The following DOCK3 variants were observed in gnomAD, a reference collection of about 807,000 sequenced individuals.
DOCK3 encodes the protein dedicator of cytokinesis 3.
Under a neutral mutation model 265.6 loss-of-function variants are expected in DOCK3, and 60 were observed. The observed-to-expected ratio is 0.23, with a 90% CI of 0.18 to 0.28. The LOEUF is 0.28. Ranked by LOEUF, DOCK3 falls within the 10% of genes least tolerant of loss-of-function variation. The pLI, the probability that DOCK3 is intolerant of heterozygous loss-of-function variation, is 1.00. For missense variants in DOCK3, 1,981 were observed against 2,594.3 expected, an observed-to-expected ratio of 0.76 and a Z score of 5.14; for synonymous variants, 881 against 938.0, an observed-to-expected ratio of 0.94 and a Z score of 1.11.
intron 21 of DOCK3, among the ~76,000 whole-genome samples, chr3:51,245,585 G>T (rs2078801204): frequency 6.6e-6 from 1 of 151,604 alleles, no homozygotes; most frequent in Admixed American, 6.6e-5. Context: ...TAGAGATGGG[G>T]TTTCACTATG....
intron 32 of DOCK3, among the ~76,000 whole-genome samples, chr3:51,328,835 A>G (rs2084326661): frequency 6.6e-6 from 1 of 152,150 alleles, no homozygotes; most frequent in South Asian, 2.1e-4. Context: ...AATAATAAAT[A>G]ATATCACAGT....
Position 50,846,939 on chromosome 3 carries a change from A to G in DOCK3, c.162+5224A>G, listed in dbSNP as rs932228612. 3.9e-5 allele frequency among the ~76,000 whole-genome samples: 6 copies of G among 151,980 alleles called. No homozygotes were observed. The East Asian group carries it at 1.2e-3, about 29-fold the overall frequency. ...TTCTTAATCTACCTAGCAGTCCATC[A>G]ATCTTGTTGATTCTTTGTGTGGATT... is the stretch of plus-strand genomic sequence containing the variant. On this transcript the variant is annotated intron_variant, in intron 3 of 52. Transcript: ENST00000266037.
At chr3:50,861,442 G>A (rs1409804278) in intron 3 of DOCK3, among the ~76,000 whole-genome samples, 1 of 152,100 alleles carries the variant, frequency 6.6e-6, no homozygotes, top group East Asian at 1.9e-4. Context: ...ATGTCTATTA[G>A]GTCATTTGGT....
intron 5 of DOCK3, among the ~76,000 whole-genome samples, chr3:50,979,620 C>G (rs991247444): frequency 6.6e-6 from 1 of 152,158 alleles, no homozygotes; most frequent in Non-Finnish European, 1.5e-5. Flanking sequence ...GATGCTGGTG[C>G]CATGCTTCTT....
intron 41 of DOCK3, 85 bp downstream of exon 41, chr3:51,355,108 G>A (rs532189992): frequency 1.3e-6 from 2 of 1,513,782 alleles, no homozygotes; most frequent in Non-Finnish European, 1.8e-6. Context: ...TTACCACATT[G>A]CCAACCATAC....
rs2086416340 is a variant in DOCK3, at chr3:51,357,102, T to C, written c.4644T>C (p.Ile1548=). ...TAAGCATGTGCCTGAATGGTGTCAT[T>C]GATGCAGCTGTCAATGGAGGCATTG... is the stretch of plus-strand genomic sequence containing the variant. ...NLLSMCLNGV[I]DAAVNGGIAR... is the part of the protein sequence containing the mutation. The change falls in exon 44 of 53, where the codon ATT becomes ATC. Residue 1548 remains isoleucine, a synonymous_variant. Transcript: ENST00000266037. The C allele has an allele frequency of 6.2e-7, 1 of 1,612,722 alleles. No homozygotes were observed. Among genetic ancestry groups the C allele is most frequent in the South Asian group, 1.1e-5 (1 of 91,000 alleles).
chr3:51,255,572 A>G (rs1355652362), intron 22 of DOCK3, among the ~76,000 whole-genome samples: 1 of 151,456 alleles, frequency 6.6e-6, no homozygotes, highest in African/African-American at 2.4e-5. Context: ...ATTTCTTTTT[A>G]CTCTTTTTTC....
rs1032787576 is a variant in DOCK3 at position 50,708,047 on chromosome 3, G to C, written c.37+32747G>C. ...GTTGCTAGTGGTGGGCAGAGTGGCC[G>C]ATCCACACACACTTGGATAGCATGT... On this transcript the variant is annotated intron_variant, in intron 1 of 52. Transcript: ENST00000266037. Among the ~76,000 whole-genome samples the C allele has an allele frequency of 3.9e-5, 6 of 152,122 alleles. No individual in the cohort carries two copies. The East Asian group carries it at 1.2e-3, about 30-fold the overall frequency.
intron 9 of DOCK3, among the ~76,000 whole-genome samples, chr3:51,138,193 C>CT (rs2084892709): frequency 6.6e-6 from 1 of 152,228 alleles, no homozygotes; most frequent in African/African-American, 2.4e-5. Context: ...TATTTTGCCA[C>CT]TTTTTTTGTA....
At chr3:51,260,605 C>A (rs2079799530) in intron 23 of DOCK3, among the ~76,000 whole-genome samples, 1 of 152,128 alleles carries the variant, frequency 6.6e-6, no homozygotes, top group Admixed American at 6.5e-5. Flanking sequence ...TATTTAGCTA[C>A]CATACTACTT....
intron 10 of DOCK3, among the ~76,000 whole-genome samples, chr3:51,152,097 C>G (rs916760550): frequency 2.6e-5 from 4 of 152,176 alleles, no homozygotes; most frequent in African/African-American, 9.7e-5. Context: ...TGTTTTCCAG[C>G]TTGGTTCCAT....
intron 2 of DOCK3, among the ~76,000 whole-genome samples, chr3:50,796,283 G>A (rs537041421): frequency 5.3e-5 from 8 of 151,812 alleles, no homozygotes; most frequent in Admixed American, 6.5e-5. Context: ...CGCCCCCCTC[G>A]GCCTCCCAAA....
At chr3:50,907,197 T>G (rs535514896) in intron 4 of DOCK3, among the ~76,000 whole-genome samples, 4 of 152,132 alleles carry the variant, frequency 2.6e-5, no homozygotes, top group African/African-American at 4.8e-5. Flanking sequence ...TTGGAATAAG[T>G]GTGACGTGGT....
chr3:51,381,030 G>GC lies in DOCK3; in HGVS notation c.5584-17dup. 1 of 1,563,966 alleles carries GC rather than the reference G, an allele frequency of 6.4e-7. No homozygotes were observed. ...TGTCTGGAGAGAGGGATTCTAACAT[G>GC]CCCACCCTTTCCTTCGCAGTCTCCT... On this transcript the variant is annotated intron_variant, in intron 52 of 52. Coordinates refer to ENST00000266037, the MANE Select transcript of DOCK3 (RefSeq NM_004947.5). The surrounding 1 kb of genome is among the most constrained non-coding windows in gnomAD (Gnocchi z 5.6).
At chr3:51,121,214 G>A (rs2084002156) in intron 9 of DOCK3, among the ~76,000 whole-genome samples, 1 of 152,038 alleles carries the variant, frequency 6.6e-6, no homozygotes, top group African/African-American at 2.4e-5. Context: ...CTCACAGCAG[G>A]GTCCCTCATG....
intron 2 of DOCK3, among the ~76,000 whole-genome samples, chr3:50,813,959 A>T (rs2043913686): frequency 6.6e-6 from 1 of 152,198 alleles, no homozygotes; most frequent in Non-Finnish European, 1.5e-5. Context: ...TAAGAATAGT[A>T]AATACTAAGT....
intron 5 of DOCK3, among the ~76,000 whole-genome samples, chr3:51,011,318 C>G (rs1424333653): frequency 6.6e-6 from 1 of 152,094 alleles, no homozygotes; most frequent in African/African-American, 2.4e-5. Flanking sequence ...AGGCTTTGTT[C>G]ATTTCTTTTT....
chr3:51,375,677 G>T, intron 50 of DOCK3, 71 bp from the exon 51 acceptor site: 1 of 1,550,762 alleles, frequency 6.4e-7, no homozygotes. Flanking sequence ...GTCTCTCGTC[G>T]CCCACAACAC....
At chr3:50,904,943 G>T (rs900800851) in intron 4 of DOCK3, among the ~76,000 whole-genome samples, 7 of 152,032 alleles carry the variant, frequency 4.6e-5, no homozygotes, top group African/African-American at 1.5e-4. Flanking sequence ...TTTGTATAAG[G>T]TGTAAGAAAG....
Sources: gnomAD v4.1 joint callset for allele counts (sites outside exome capture counted in the v4.1 genomes callset) on GRCh38, gnomAD v4.1.1 for gene constraint, Gnocchi (gnomAD v3.1) non-coding constraint, MANE v1.5 for transcripts, NCBI Gene and HGNC (gene_info 2026-07-23, HGNC 2026-07-21) for gene names.